The following PIGL variants were observed in gnomAD, a reference collection of about 807,000 sequenced individuals.
PIGL encodes the protein N-acetylglucosaminyl-phosphatidylinositol de-N-acetylase.
In PIGL, 22 loss-of-function variants were observed where a neutral mutation model predicts 31.1. The observed-to-expected ratio is 0.71, with a 90% CI of 0.51 to 1.01. PIGL has a LOEUF of 1.01. Among genes scored for constraint, PIGL ranks in the 50% least tolerant of loss-of-function variants. PIGL has a pLI of 0.00. For synonymous variants in PIGL, 131 were observed against 117.4 expected (o/e 1.12, Z -0.75); for missense variants, 302 against 315.9 (o/e 0.96, Z 0.33).
At chr17:16,287,642 GAGAAGTC>G (rs1430431088) in intron 2 of PIGL, among the ~76,000 whole-genome samples, 1 of 152,216 alleles carries the variant, frequency 6.6e-6, no homozygotes, top group Non-Finnish European at 1.5e-5. Context: ...CTTTTTGACT[GAGAAGTC>G]AGAAGCAAAA....
chr17:16,316,967 G>T, intron 5 of PIGL: 1 of 1,279,492 alleles, frequency 7.8e-7, no homozygotes, highest in Non-Finnish European at 1.0e-6. Flanking sequence ...CTTTTTCACA[G>T]GGTGGATGTT....
intron 6 of PIGL, among the ~76,000 whole-genome samples, chr17:16,320,243 A>G (rs866751859): frequency 3.5e-5 from 3 of 85,986 alleles, no homozygotes; most frequent in African/African-American, 8.9e-5. Context: ...GGAAGGAAGG[A>G]AGGAAGGAAA....
At chr17:16,256,313 A>G (rs898469410) in intron 2 of PIGL, among the ~76,000 whole-genome samples, 3 of 152,010 alleles carry the variant, frequency 2.0e-5, no homozygotes, top group Admixed American at 6.6e-5. Context: ...TGTTCATAAT[A>G]TAATATTGAG....
intron 2 of PIGL, among the ~76,000 whole-genome samples, chr17:16,275,220 A>G (rs565821623): frequency 5.8e-4 from 89 of 152,348 alleles, no homozygotes; most frequent in South Asian, 1.7e-3. Flanking sequence ...CTCCCATTTT[A>G]GACCATAGAG....
chr17:16,241,840 TTAAA>T (rs1369098214), intron 2 of PIGL, among the ~76,000 whole-genome samples: 2 of 152,192 alleles, frequency 1.3e-5, no homozygotes, highest in Non-Finnish European at 2.9e-5. Context: ...TTCTATGTCA[TTAAA>T]TAATCATTAA....
At chr17:16,300,033 A>G in intron 3 of PIGL, 55 bp downstream of exon 3, 2 of 1,394,686 alleles carry the variant, frequency 1.4e-6, no homozygotes, top group Non-Finnish European at 2.0e-6. Flanking sequence ...CATTCACACC[A>G]GGTGGTTTCT....
chr17:16,303,023 A>T (rs1363006541), intron 3 of PIGL, among the ~76,000 whole-genome samples: 1 of 152,128 alleles, frequency 6.6e-6, no homozygotes, highest in African/African-American at 2.4e-5. Flanking sequence ...ACCATGTTGC[A>T]GCTGACCTTG....
At chr17:16,316,798 G>A (rs776936766) in intron 5 of PIGL, 86 bp downstream of exon 5, 1 of 1,583,752 alleles carries the variant, frequency 6.3e-7, no homozygotes, top group Non-Finnish European at 8.6e-7. Context: ...TCCACAGAGA[G>A]CTGCCCTCAG....
chr17:16,292,362 G>A (rs1017110353), intron 2 of PIGL, among the ~76,000 whole-genome samples: 6 of 149,556 alleles, frequency 4.0e-5, no homozygotes, highest in African/African-American at 7.4e-5. Context: ...TTAGTTTTTC[G>A]TTTCAGCCTA....
intron 1 of PIGL, 192 bp downstream of exon 1, chr17:16,217,653 C>T: frequency 1.8e-6 from 1 of 560,410 alleles, no homozygotes; most frequent in Non-Finnish European, 3.2e-6. Context: ...GGGACGTCGG[C>T]AGCTCGCGTA....
intron 2 of PIGL, among the ~76,000 whole-genome samples, chr17:16,245,504 GTATATA>G (rs34133338): frequency 6.8e-6 from 1 of 147,394 alleles, no homozygotes; most frequent in African/African-American, 2.5e-5. Context: ...AAGCCAGGGA[GTATATA>G]TATATATATA....
intron 2 of PIGL, among the ~76,000 whole-genome samples, chr17:16,250,867 T>C (rs2092768162): frequency 6.6e-6 from 1 of 152,212 alleles, no homozygotes; most frequent in African/African-American, 2.4e-5. Flanking sequence ...GTGTACAGTA[T>C]ATGCTTCAAC....
At chr17:16,250,073 A>G (rs1047831977) in intron 2 of PIGL, among the ~76,000 whole-genome samples, 1 of 152,076 alleles carries the variant, frequency 6.6e-6, no homozygotes, top group Non-Finnish European at 1.5e-5. Flanking sequence ...CAGCCTCCCA[A>G]GTCGCTGGGA....
At chr17:16,251,345 G>A (rs1030518549) in intron 2 of PIGL, among the ~76,000 whole-genome samples, 1 of 151,220 alleles carries the variant, frequency 6.6e-6, no homozygotes. Context: ...ATCGCTTGGG[G>A]TCAAGAGGTC....
At chr17:16,316,460 G>T (rs1251348625) in intron 4 of PIGL, among the ~76,000 whole-genome samples, 1 of 152,184 alleles carries the variant, frequency 6.6e-6, no homozygotes, top group Non-Finnish European at 1.5e-5. Context: ...CCAGCCTCTG[G>T]ATTGGCTGTC....
At chr17:16,246,492 C>T (rs1327328534) in intron 2 of PIGL, among the ~76,000 whole-genome samples, 3 of 150,364 alleles carry the variant, frequency 2.0e-5, no homozygotes, top group African/African-American at 7.3e-5. Context: ...AGCCTGGCAA[C>T]AGAGTGAGAC....
At position 16,325,840 on chromosome 17, in the gene PIGL, G is replaced by A. The variant is rs967814478; in HGVS notation, c.701G>A (p.Arg234His). 11 of 1,613,726 alleles carry A rather than the reference G, an allele frequency of 6.8e-6. No homozygotes were observed. Among genetic ancestry groups the A allele is most frequent in the Admixed American group, 3.3e-5 (2 of 59,994 alleles). The change falls in exon 7 of 7, where the codon CGC (arginine) becomes CAC (histidine). Residue 234 changes from arginine (R) to histidine (H), a missense_variant. Physicochemically the swap from Arg to His is conservative, Grantham distance 29 (BLOSUM62 0). Coordinates refer to ENST00000225609, the MANE Select transcript of PIGL (RefSeq NM_004278.4). ...SCHRSQLLWF[R>H]RLYIIFSRYM... is the part of the protein sequence containing the mutation. ...CACCGCAGCCAGCTCCTCTGGTTCC[G>A]CCGCCTCTACATTATCTTCTCCCGG...
intron 2 of PIGL, among the ~76,000 whole-genome samples, chr17:16,240,990 T>A (rs1425730941): frequency 6.6e-6 from 1 of 150,604 alleles, no homozygotes; most frequent in Admixed American, 6.6e-5. Flanking sequence ...GGCACATCCC[T>A]GTAATCCCAG....
chr17:16,278,855 G>T (rs2092906144), intron 2 of PIGL, among the ~76,000 whole-genome samples: 1 of 152,108 alleles, frequency 6.6e-6, no homozygotes. Context: ...GACAATATTT[G>T]ATTTAAGCAC....
Sources: allele counts gnomAD v4.1 joint callset (sites outside exome capture counted in the v4.1 genomes callset), GRCh38; gene constraint gnomAD v4.1.1; transcripts MANE v1.5; gene names NCBI Gene and HGNC (gene_info 2026-07-23, HGNC 2026-07-21).